The following NRG3 variants were observed in gnomAD, a reference collection of about 807,000 sequenced individuals.
NRG3 encodes pro-neuregulin-3, membrane-bound isoform.
Under a neutral mutation model 66.9 loss-of-function variants are expected in NRG3, and 31 were observed. That is an observed-to-expected ratio of 0.46 (90% confidence interval 0.35 to 0.63). The LOEUF (loss-of-function observed/expected upper bound fraction) is 0.63. Ranked by LOEUF, NRG3 falls within the 20% of genes least tolerant of loss-of-function variation. NRG3 has a pLI of 0.00. For missense variants in NRG3, 910 were observed against 878.9 expected, an observed-to-expected ratio of 1.04 and a Z score of -0.45; for synonymous variants, 393 against 359.4, an observed-to-expected ratio of 1.09 and a Z score of -1.06.
intron 4 of NRG3, among the ~76,000 whole-genome samples, chr10:82,904,270 A>G (rs948984604): frequency 4.0e-5 from 6 of 151,710 alleles, no homozygotes; most frequent in African/African-American, 1.5e-4. Context: ...TTGCAAGACA[A>G]CTCTTTTTCT....
intron 4 of NRG3, among the ~76,000 whole-genome samples, chr10:82,949,945 C>T (rs1419014280): frequency 2.0e-5 from 3 of 151,914 alleles, no homozygotes; most frequent in Non-Finnish European, 4.4e-5. Context: ...AAAAACATAT[C>T]TCCTCAGGTG....
chr10:82,597,244 G>T (rs777190413), intron 2 of NRG3, among the ~76,000 whole-genome samples: 2 of 152,148 alleles, frequency 1.3e-5, no homozygotes, highest in Non-Finnish European at 1.5e-5. Context: ...GATATAGGAA[G>T]GATTTGGCAA....
At chr10:82,855,071 A>G (rs1403701203) in intron 3 of NRG3, among the ~76,000 whole-genome samples, 1 of 152,088 alleles carries the variant, frequency 6.6e-6, no homozygotes, top group Non-Finnish European at 1.5e-5. Flanking sequence ...GGTGTTATCC[A>G]TGACGGGAAG....
chr10:82,739,208 A>C (rs2058299432), intron 3 of NRG3, among the ~76,000 whole-genome samples: 1 of 152,240 alleles, frequency 6.6e-6, no homozygotes, highest in African/African-American at 2.4e-5. Context: ...TCATGGAAGA[A>C]GACAATTTGC....
intron 1 of NRG3, among the ~76,000 whole-genome samples, chr10:82,214,816 G>A (rs1320861745): frequency 6.6e-6 from 1 of 152,134 alleles, no homozygotes; most frequent in Admixed American, 6.6e-5. Flanking sequence ...TTTTGACAAA[G>A]ACTTTTATTT....
At chr10:82,931,723 A>C (rs774699062) in intron 4 of NRG3, among the ~76,000 whole-genome samples, 1 of 151,916 alleles carries the variant, frequency 6.6e-6, no homozygotes, top group East Asian at 1.9e-4. Context: ...TTCTGTGTTT[A>C]TGTTTCTAGT....
At chr10:82,127,253 G>A (rs1234631411) in intron 1 of NRG3, among the ~76,000 whole-genome samples, 1 of 152,208 alleles carries the variant, frequency 6.6e-6, no homozygotes, top group Middle Eastern at 3.4e-3. Flanking sequence ...TGGGGGAGTG[G>A]AGAGGAATAG....
At chr10:82,199,421 G>A (rs1174759937) in intron 1 of NRG3, among the ~76,000 whole-genome samples, 5 of 152,090 alleles carry the variant, frequency 3.3e-5, no homozygotes, top group Non-Finnish European at 7.3e-5. Flanking sequence ...TCTGGGAGCT[G>A]AGGTATTTAA....
chr10:82,853,932 G>A (rs1353681033), intron 3 of NRG3, among the ~76,000 whole-genome samples: 1 of 152,114 alleles, frequency 6.6e-6, no homozygotes, highest in Admixed American at 6.5e-5. Context: ...CTGGCTGTAG[G>A]TTTGCCATAG....
intron 1 of NRG3, among the ~76,000 whole-genome samples, chr10:81,910,802 C>A (rs1354383990): frequency 6.6e-6 from 1 of 152,136 alleles, no homozygotes; most frequent in East Asian, 1.9e-4. Flanking sequence ...CAGATGCATG[C>A]CACCATGCCC....
At chr10:82,795,592 A>C (rs763901518) in intron 3 of NRG3, among the ~76,000 whole-genome samples, 1 of 152,198 alleles carries the variant, frequency 6.6e-6, no homozygotes, top group Admixed American at 6.5e-5. Flanking sequence ...GGCAGCCTTC[A>C]TTCTACAAAA....
chr10:82,025,845 G>A (rs577708853), intron 1 of NRG3, among the ~76,000 whole-genome samples: 12 of 151,838 alleles, frequency 7.9e-5, no homozygotes, highest in Admixed American at 2.6e-4. Flanking sequence ...TTTTTGTTTT[G>A]TTTTGTTTTG....
At chr10:82,574,514 T>C (rs2045925146) in intron 2 of NRG3, among the ~76,000 whole-genome samples, 1 of 151,756 alleles carries the variant, frequency 6.6e-6, no homozygotes, top group African/African-American at 2.4e-5. Context: ...TTTTTCAAAA[T>C]AGCTAGAAGA....
rs191549820 is a variant in NRG3 at position 82,903,399 on chromosome 10, C to T, written c.1054+37962C>T. Among the ~76,000 whole-genome samples, 118 of 152,194 alleles carry T rather than the reference C, an allele frequency of 7.8e-4. 2 individuals carry two copies. Among genetic ancestry groups the T allele is most frequent in the Admixed American group, 7.6e-3 (116 of 15,280 alleles). On this transcript the variant is annotated intron_variant, in intron 4 of 8. Coordinates refer to ENST00000372141, the MANE Select transcript of NRG3 (RefSeq NM_001010848.4). Reference sequence around the variant, plus strand: ...TTTTTCATTGTGTTTAGTGCAGTACCTTAAACCTTGCATAACACCATGGGA... The same window carrying T: ...TTTTTCATTGTGTTTAGTGCAGTACTTTAAACCTTGCATAACACCATGGGA...
intron 1 of NRG3, among the ~76,000 whole-genome samples, chr10:82,356,815 G>T (rs768903661): frequency 2.5e-4 from 38 of 152,006 alleles, no homozygotes; most frequent in Admixed American, 1.2e-3. Flanking sequence ...TTCACTTTTT[G>T]CTGTACAAAA....
intron 1 of NRG3, among the ~76,000 whole-genome samples, chr10:82,077,825 T>A (rs1242994298): frequency 1.3e-5 from 2 of 152,232 alleles, no homozygotes; most frequent in African/African-American, 4.8e-5. Context: ...ATATCAGAAA[T>A]AACCTAGTGC....
chr10:82,946,561 A>G (rs531429362), intron 4 of NRG3, among the ~76,000 whole-genome samples: 1 of 152,176 alleles, frequency 6.6e-6, no homozygotes. Flanking sequence ...CAGCAGAAGA[A>G]TAAAGCAAAC....
chr10:82,889,203 A>T lies in NRG3; in HGVS notation c.1054+23766A>T, dbSNP rs555398815. On this transcript the variant is annotated intron_variant, in intron 4 of 8. Transcript: ENST00000372141. ...GCTACTGTAAGGATCTAGAGGAGAC[A>T]CGAGGGTGACCTGAACAAAGATTTC... Among the ~76,000 whole-genome samples, 192 of 152,256 alleles carry T rather than the reference A, an allele frequency of 1.3e-3. 1 individual carries two copies. Among genetic ancestry groups the T allele is most frequent in the Non-Finnish European group, 2.5e-3 (168 of 68,006 alleles).
At chr10:82,424,677 G>A (rs75259627) in intron 2 of NRG3, among the ~76,000 whole-genome samples, 2,291 of 151,984 alleles carry the variant, frequency 0.015, 43 homozygotes, top group African/African-American at 0.046. Context: ...TTTTATTGTT[G>A]CTGACCTTTT....
Sources: gnomAD v4.1 joint callset for allele counts (sites outside exome capture counted in the v4.1 genomes callset) on GRCh38, gnomAD v4.1.1 for gene constraint, MANE v1.5 for transcripts, NCBI Gene and HGNC (gene_info 2026-07-23, HGNC 2026-07-21) for gene names.